Variants in COL12A1 observed in about 807,000 individuals in gnomAD.
COL12A1 encodes collagen alpha-1(XII) chain.
In COL12A1, 114 loss-of-function variants were observed where a neutral mutation model predicts 349.7. That is an observed-to-expected ratio of 0.33 (90% confidence interval 0.28 to 0.38). The LOEUF is 0.38. COL12A1 is among the 10% of genes least tolerant of loss of function. The pLI, the probability that COL12A1 is intolerant of heterozygous loss-of-function variation, is 1.00. For missense variants in COL12A1, 3,284 were observed against 3,756.9 expected, an observed-to-expected ratio of 0.87 and a Z score of 3.29; for synonymous variants, 1,369 against 1,329.0, an observed-to-expected ratio of 1.03 and a Z score of -0.66.
chr6:75,098,474 G>A (rs1768154289), intron 58 of COL12A1, among the ~76,000 whole-genome samples: 1 of 152,146 alleles, frequency 6.6e-6, no homozygotes, highest in Non-Finnish European at 1.5e-5. Flanking sequence ...GGCAACATAA[G>A]AAGACCCTGT....
chr6:75,086,370 C>A lies in COL12A1; in HGVS notation c.*177G>T. On this transcript the variant is annotated 3_prime_UTR_variant, in exon 66 of 66. Transcript: ENST00000322507. Reference sequence around the variant, plus strand: ...CTGACACCACTGCTTTTGTCTCATTCAAGTTAGTAAAAAGAGTCTCCACCC... The same window carrying A: ...CTGACACCACTGCTTTTGTCTCATTAAAGTTAGTAAAAAGAGTCTCCACCC... 2.8e-6 allele frequency: 1 copy of A among 361,294 alleles called. No individual in the cohort carries two copies. The highest frequency in any genetic ancestry group is 4.6e-5 in the East Asian group (1 of 21,604). 22.4% of individuals were successfully genotyped at this position (361,294 alleles called of 1,614,324 possible). A position where few individuals can be genotyped will look rare whatever the true frequency, so the allele number is the denominator to read the frequency against.
Position 75,138,559 on chromosome 6 carries a change from T to A in COL12A1, c.5119A>T (p.Asn1707Tyr), listed in dbSNP as rs747433927. The A allele has an allele frequency of 1.2e-6, 2 of 1,613,764 alleles. No individual in the cohort carries two copies. Reference protein sequence around the residue: ...KMETILNGDENTLVFENLNPN... With the variant: ...KMETILNGDEYTLVFENLNPN... ...TTCAGGTTTTCGAACACCAAAGTGT[T>A]TTCATCTCCATTTAAGATGGTCTTG... The change falls in exon 29 of 66, where the codon AAC (asparagine) becomes TAC (tyrosine). Residue 1707 changes from asparagine to tyrosine, a missense_variant. Asn to Tyr is a moderately radical substitution (Grantham distance 143). Coordinates refer to ENST00000322507, the MANE Select transcript of COL12A1 (RefSeq NM_004370.6).
Position 75,162,871 on chromosome 6 carries a change from C to T in COL12A1, c.2983+2636G>A, listed in dbSNP as rs537217139. ...GCAAAGGATATTAATGGACACTTCT[C>T]AAAAGAAGACATTTATGCAGCCAAC... On this transcript the variant is annotated intron_variant, in intron 14 of 65. Transcript: ENST00000322507. Among the ~76,000 whole-genome samples the T allele has an allele frequency of 2.6e-5, 4 of 152,206 alleles. No homozygotes were observed. The East Asian group carries it at 7.7e-4, about 29-fold the overall frequency.
chr6:75,128,370 G>A lies in COL12A1; in HGVS notation c.6266C>T (p.Thr2089Ile), dbSNP rs1337934217. The change falls in exon 38 of 66, where the codon ACT (threonine) becomes ATT (isoleucine). Residue 2089 changes from threonine (T) to isoleucine (I), a missense_variant. Coordinates refer to ENST00000322507, the MANE Select transcript of COL12A1 (RefSeq NM_004370.6). ...AGCAATAACAGTAATTTTATATGGA[G>A]TGTCAGGTTGCAGGGGCTGCAGTAT... The part of the protein sequence containing the change: ...NVILQPLQPD[T>I]PYKITVIAVY... 3 of 1,610,426 alleles carry A rather than the reference G, an allele frequency of 1.9e-6. No homozygotes were observed. Among genetic ancestry groups the A allele is most frequent in the African/African-American group, 2.7e-5 (2 of 74,736 alleles).
intron 10 of COL12A1, among the ~76,000 whole-genome samples, chr6:75,182,127 C>T (rs1769343719): frequency 6.7e-6 from 1 of 149,230 alleles, no homozygotes; most frequent in Admixed American, 6.7e-5. Flanking sequence ...AAAAACAGTA[C>T]ATAGGAAAGC....
chr6:75,095,619 G>A (rs1175415853), intron 59 of COL12A1, among the ~76,000 whole-genome samples: 1 of 97,702 alleles, frequency 1.0e-5, no homozygotes, highest in Non-Finnish European at 1.7e-5. Flanking sequence ...GCGAGACTCC[G>A]TCTCAAAAAA....
intron 14 of COL12A1, among the ~76,000 whole-genome samples, chr6:75,157,538 G>A (rs78458893): frequency 2.6e-5 from 4 of 152,228 alleles, no homozygotes; most frequent in African/African-American, 4.8e-5. Flanking sequence ...GGAACAAAGG[G>A]GAATAGGTTC....
At chr6:75,203,862 T>C (rs1770647244) in intron 1 of COL12A1, among the ~76,000 whole-genome samples, 3 of 152,286 alleles carry the variant, frequency 2.0e-5, no homozygotes, top group African/African-American at 7.2e-5. Flanking sequence ...TAATTTATTG[T>C]AAGCCAACAG....
intron 52 of COL12A1, among the ~76,000 whole-genome samples, chr6:75,108,622 T>C (rs1007438604): frequency 1.3e-5 from 2 of 152,104 alleles, no homozygotes; most frequent in Non-Finnish European, 2.9e-5. Context: ...AAGTTGCAAC[T>C]AGTGTCCCCA....
intron 23 of COL12A1, 104 bp from the exon 24 acceptor site, chr6:75,146,348 T>G: frequency 1.7e-6 from 2 of 1,204,716 alleles, no homozygotes; most frequent in Non-Finnish European, 2.1e-6. Context: ...TACTAGACAG[T>G]GGGTTACTGT....
Position 75,183,500 on chromosome 6 carries a change from G to A in COL12A1, c.1441C>T (p.Leu481Phe). The A allele has an allele frequency of 6.2e-7, 1 of 1,614,118 alleles. No homozygotes were observed. Among genetic ancestry groups the A allele is most frequent in the Non-Finnish European group, 8.5e-7 (1 of 1,180,014 alleles). Residue 481 changes from leucine (L) to phenylalanine (F), a missense_variant, in exon 10 of 66, where the codon CTT becomes TTT. This residue lies in a region of COL12A1 where 2,601 missense variants were observed against 2,824.8 expected (regional missense o/e 0.92). Coordinates refer to ENST00000322507, the MANE Select transcript of COL12A1 (RefSeq NM_004370.6). ...EISPNRVQIS[L>F]VQYSRDPHTE... ...TGAGGATCCCGGCTGTATTGCACAA[G>A]ACTAATCTGGACCCTATTTGGTGAA...
intron 16 of COL12A1, 25 bp from the exon 17 acceptor site, chr6:75,154,562 G>A (rs377231638): frequency 1.3e-6 from 2 of 1,576,744 alleles, no homozygotes; most frequent in East Asian, 2.3e-5. Context: ...TATATATATA[G>A]CCTGTGAGAA....
Position 75,095,169 on chromosome 6 carries a change from C to A in COL12A1, c.8588G>T (p.Gly2863Val). 6.2e-7 allele frequency: 1 copy of A among 1,613,666 alleles called. No homozygotes were observed. The highest frequency in any genetic ancestry group is 8.5e-7 in the Non-Finnish European group (1 of 1,179,802). The change falls in exon 60 of 66, where the codon GGC (glycine) becomes GTC (valine). Residue 2863 changes from glycine to valine, a missense_variant. Around this residue, in one of 2 missense-constraint regions of COL12A1, gnomAD observed 683 missense variants for 932.1 expected, o/e 0.73. Transcript: ENST00000322507. ...ACTTGGTCCTGTGACTCCTGGGGAG[C>A]CTGGGCTTCCCTACAACACATGGAA... is the stretch of plus-strand genomic sequence containing the variant. ...RGPPGPPGSPGSPGVTGPSGK... is the reference protein window; with the variant it reads ...RGPPGPPGSPVSPGVTGPSGK...
intron 8 of COL12A1, among the ~76,000 whole-genome samples, chr6:75,187,861 A>T (rs926077955): frequency 2.6e-5 from 4 of 152,120 alleles, no homozygotes; most frequent in Non-Finnish European, 5.9e-5. Flanking sequence ...GAATTTTCTA[A>T]GGGGAGGATC....
chr6:75,095,460 A>AG (rs1767961790), intron 59 of COL12A1, among the ~76,000 whole-genome samples: 1 of 151,806 alleles, frequency 6.6e-6, no homozygotes, highest in African/African-American at 2.4e-5. Context: ...TACTAAAAAT[A>AG]CAAAAAATTA....
chr6:75,195,667 TA>T (rs1467891090), intron 2 of COL12A1, among the ~76,000 whole-genome samples: 1 of 152,174 alleles, frequency 6.6e-6, no homozygotes, highest in Non-Finnish European at 1.5e-5. Context: ...AAAAGTTTAT[TA>T]AACTAATATT....
Position 75,113,624 on chromosome 6 carries a change from T to A in COL12A1, c.7818A>T (p.Pro2606=), listed in dbSNP as rs775096659. 2 of 1,608,304 alleles carry A rather than the reference T, an allele frequency of 1.2e-6. No homozygotes were observed. The highest frequency in any genetic ancestry group is 8.5e-7 in the Non-Finnish European group (1 of 1,176,316). ...TACGATCTGCAATCACTCCAACTTG[T>A]GGTTTGTAGTCTCTGTCTGTGATTT... is the stretch of plus-strand genomic sequence containing the variant. ...IWQITDRDYK[P]QVGVIADPSS... is the part of the protein sequence containing the mutation. Residue 2606 remains proline, a synonymous_variant, in exon 50 of 66, where the codon CCA becomes CCT. Coordinates refer to ENST00000322507, the MANE Select transcript of COL12A1 (RefSeq NM_004370.6).
chr6:75,128,392 G>GTAT lies in COL12A1; in HGVS notation c.6241_6243dup (p.Ile2081dup). On this transcript the variant is annotated inframe_insertion, in exon 38 of 66. Transcript: ENST00000322507. ...GGAGTGTCAGGTTGCAGGGGCTGCA[G>GTAT]TATTACATTGTTTCTTCTGCCTGGG... 2.5e-6 allele frequency: 4 copies of GTAT among 1,606,200 alleles called. No homozygotes were observed. Among genetic ancestry groups the GTAT allele is most frequent in the Non-Finnish European group, 3.4e-6 (4 of 1,176,382 alleles).
At chr6:75,179,160 T>C (rs552348786) in intron 11 of COL12A1, among the ~76,000 whole-genome samples, 4 of 152,338 alleles carry the variant, frequency 2.6e-5, no homozygotes, top group East Asian at 1.9e-4. Context: ...AAGTATTACA[T>C]TGGAAACTTT....
Sources: gnomAD v4.1 joint callset for allele counts (sites outside exome capture counted in the v4.1 genomes callset) on GRCh38, gnomAD v4.1.1 for gene constraint, gnomAD v4.1.1 regional missense constraint, MANE v1.5 for transcripts, NCBI Gene and HGNC (gene_info 2026-07-23, HGNC 2026-07-21) for gene names.